The following GSDME variants were observed in gnomAD, a reference collection of about 807,000 sequenced individuals.
GSDME encodes gasdermin-E.
In GSDME, 44 loss-of-function variants were observed where a neutral mutation model predicts 47.5. The observed-to-expected ratio is 0.93, with a 90% CI of 0.73 to 1.19. The LOEUF is 1.19. GSDME is among the 50% of genes most tolerant of loss of function. The probability of loss-of-function intolerance (pLI) is 0.00; values close to 1 mark genes in which losing one functional copy is unlikely to be tolerated. For missense variants in GSDME, 663 were observed against 604.2 expected, an observed-to-expected ratio of 1.10 and a Z score of -1.02; for synonymous variants, 258 against 252.8, an observed-to-expected ratio of 1.02 and a Z score of -0.20.
the GSDME span, among the ~76,000 whole-genome samples, chr7:24,781,188 A>G: frequency 6.6e-6 from 1 of 152,214 alleles, no homozygotes; most frequent in African/African-American, 2.4e-5. Context: ...GACCACAGAC[A>G]GGCAGGAGAG....
intron 3 of GSDME, among the ~76,000 whole-genome samples, chr7:24,729,878 CA>C (rs1053374830): frequency 1.4e-4 from 21 of 152,152 alleles, no homozygotes; most frequent in African/African-American, 4.6e-4. Flanking sequence ...TGTGGAGAAT[CA>C]ACTGGAAGGG....
At chr7:24,779,299 G>C in the GSDME span, among the ~76,000 whole-genome samples, 36,168 of 152,176 alleles carry the variant, frequency 0.24, 4,506 homozygotes, top group Admixed American at 0.31. This position sits in a 1 kb window ranked among gnomAD's most constrained non-coding sequence, Gnocchi z 6.0. Context: ...GAATGGCAAA[G>C]GCAGAGGCAG....
intron 8 of GSDME, 167 bp from the exon 9 acceptor site, chr7:24,703,000 C>T (rs1788937586): frequency 1.7e-6 from 1 of 601,150 alleles, no homozygotes; most frequent in Non-Finnish European, 3.1e-6. Flanking sequence ...AAATGGGCAG[C>T]AAAGACCTTG....
At chr7:24,772,499 C>A in the GSDME span, among the ~76,000 whole-genome samples, 5 of 152,174 alleles carry the variant, frequency 3.3e-5, no homozygotes, top group East Asian at 9.6e-4. This position sits in a 1 kb window ranked among gnomAD's most constrained non-coding sequence, Gnocchi z 4.5. Flanking sequence ...GTGTCTCACA[C>A]AATGTCTAGC....
intron 1 of GSDME, among the ~76,000 whole-genome samples, chr7:24,750,861 A>G (rs1039227894): frequency 2.0e-5 from 3 of 152,222 alleles, no homozygotes; most frequent in African/African-American, 7.2e-5. Context: ...AAAATATTAC[A>G]CTCAAGAGAA....
intron 2 of GSDME, among the ~76,000 whole-genome samples, chr7:24,746,516 G>C (rs1032558838): frequency 2.0e-5 from 3 of 152,162 alleles, no homozygotes; most frequent in African/African-American, 7.2e-5. Flanking sequence ...CTGTGTTTAG[G>C]CCACAGAAAT....
intron 2 of GSDME, among the ~76,000 whole-genome samples, chr7:24,748,610 A>G (rs1178825131): frequency 6.6e-6 from 1 of 152,160 alleles, no homozygotes; most frequent in Non-Finnish European, 1.5e-5. Flanking sequence ...CCGTACTGTA[A>G]CAATACATCT....
At chr7:24,729,169 G>A (rs1157021173) in intron 3 of GSDME, among the ~76,000 whole-genome samples, 3 of 152,238 alleles carry the variant, frequency 2.0e-5, no homozygotes, top group Non-Finnish European at 4.4e-5. Flanking sequence ...AAGCCTGGAA[G>A]ATGATAAACC....
chr7:24,765,609 A>G, the GSDME span, among the ~76,000 whole-genome samples: 16 of 152,204 alleles, frequency 1.1e-4, no homozygotes, highest in South Asian at 6.2e-4. Context: ...CTGTCCTTCA[A>G]TGTTATCCAG....
In GSDME at chr7:24,756,994, A is replaced by C. The variant is rs1218902439; in HGVS notation, c.-20+402T>G. Among the ~76,000 whole-genome samples, 1 of 151,914 alleles carries C rather than the reference A, an allele frequency of 6.6e-6. No homozygotes were observed. The highest frequency in any genetic ancestry group is 1.5e-5 in the Non-Finnish European group (1 of 67,970). On this transcript the variant is annotated intron_variant, in intron 1 of 9. Coordinates refer to ENST00000645220, the MANE Select transcript of GSDME (RefSeq NM_001127453.2). This position sits in a 1 kb window ranked among gnomAD's most constrained non-coding sequence, Gnocchi z 4.2. ...GGGAGAGCCTCCGCAGCACCCAGAG[A>C]AGAGACCGGAACACAAAGGATGAAC...
At chr7:24,773,171 T>C in the GSDME span, among the ~76,000 whole-genome samples, 2 of 152,202 alleles carry the variant, frequency 1.3e-5, no homozygotes, top group Admixed American at 6.5e-5. This position sits in a 1 kb window ranked among gnomAD's most constrained non-coding sequence, Gnocchi z 5.4. Flanking sequence ...AAAAAAAATG[T>C]TTTTCCATCT....
chr7:24,772,516 T>A, the GSDME span, among the ~76,000 whole-genome samples: 1 of 152,068 alleles, frequency 6.6e-6, no homozygotes, highest in Non-Finnish European at 1.5e-5. This position sits in a 1 kb window ranked among gnomAD's most constrained non-coding sequence, Gnocchi z 4.5. Context: ...TAGCACAGAG[T>A]CGGCACTCCA....
Position 24,705,373 on chromosome 7 carries a change from ATTAATTCT to A in GSDME, c.1183+803_1183+810del, listed in dbSNP as rs1289685134. On this transcript the variant is annotated intron_variant, in intron 8 of 9. Coordinates refer to ENST00000645220, the MANE Select transcript of GSDME (RefSeq NM_001127453.2). This position sits in a 1 kb window ranked among gnomAD's most constrained non-coding sequence, Gnocchi z 4.1. ...AGAGTTGGGACAGGCATTCTCTCAG[ATTAATTCT>A]TTAAAAACTGAAGATTACTGGGTCT... The A allele has an allele frequency of 1.3e-5, 2 of 152,534 alleles. No individual in the cohort carries two copies. Among genetic ancestry groups the A allele is most frequent in the African/African-American group, 4.8e-5 (2 of 41,464 alleles). 9.4% of individuals were successfully genotyped at this position (152,534 alleles called of 1,614,324 possible).
the GSDME span, among the ~76,000 whole-genome samples, chr7:24,768,547 ATTG>A: frequency 5.7e-3 from 873 of 152,246 alleles, 5 homozygotes; most frequent in Non-Finnish European, 9.6e-3. The surrounding 1 kb of genome is among the most constrained non-coding windows in gnomAD (Gnocchi z 5.6). Context: ...AGCCAAATGG[ATTG>A]TTATCTCCAG....
At chr7:24,748,877 G>A (rs1205639921) in intron 2 of GSDME, among the ~76,000 whole-genome samples, 1 of 152,058 alleles carries the variant, frequency 6.6e-6, no homozygotes, top group African/African-American at 2.4e-5. Flanking sequence ...TTTAGAGACT[G>A]TCCTGCTTTC....
At chr7:24,774,354 T>C in the GSDME span, among the ~76,000 whole-genome samples, 1 of 131,166 alleles carries the variant, frequency 7.6e-6, no homozygotes, top group African/African-American at 2.9e-5. Flanking sequence ...CCTCCCTTCC[T>C]TCCTTCCTGT....
chr7:24,703,859 G>GTGAAGACGGAAAGCCTA (rs1265773395), intron 8 of GSDME: 6 of 152,224 alleles, frequency 3.9e-5, no homozygotes, highest in African/African-American at 1.4e-4. Flanking sequence ...AAGCAGGAAG[G>GTGAAGACGGAAAGCCTA]TGAAGACGGA....
intron 9 of GSDME, among the ~76,000 whole-genome samples, chr7:24,700,386 A>G (rs1277708288): frequency 4.6e-5 from 7 of 152,228 alleles, no homozygotes; most frequent in Non-Finnish European, 8.8e-5. Flanking sequence ...CAAATTTACC[A>G]GTAGATTTCA....
chr7:24,794,239 T>C, the GSDME span, among the ~76,000 whole-genome samples: 79 of 152,208 alleles, frequency 5.2e-4, no homozygotes, highest in African/African-American at 1.9e-3. Flanking sequence ...CCTGTCTCTC[T>C]TGCTTTCTCT....
Sources: gnomAD v4.1 joint callset for allele counts (sites outside exome capture counted in the v4.1 genomes callset) on GRCh38, gnomAD v4.1.1 for gene constraint, Gnocchi (gnomAD v3.1) non-coding constraint, MANE v1.5 for transcripts, NCBI Gene and HGNC (gene_info 2026-07-23, HGNC 2026-07-21) for gene names.